The following PPFIBP1 variants were observed in gnomAD, a reference collection of about 807,000 sequenced individuals.
PPFIBP1 encodes the protein liprin-beta-1.
PPFIBP1 carries 112 observed loss-of-function variants against 137.8 expected under a neutral mutation model. That is an observed-to-expected ratio of 0.81 (90% CI 0.70 to 0.95). The LOEUF (loss-of-function observed/expected upper bound fraction) is 0.95, where lower values mean the gene tolerates loss of function less well. Ranked by LOEUF, PPFIBP1 falls within the 40% of genes least tolerant of loss-of-function variation. The pLI, the probability that PPFIBP1 is intolerant of heterozygous loss-of-function variation, is 0.00. For missense variants in PPFIBP1, 1,083 were observed against 1,196.6 expected (o/e 0.91, Z 1.40); for synonymous variants, 378 against 417.3 (o/e 0.91, Z 1.15).
intron 2 of PPFIBP1, among the ~76,000 whole-genome samples, chr12:27,588,112 A>G (rs186865851): frequency 3.3e-5 from 5 of 152,222 alleles, no homozygotes; most frequent in Admixed American, 6.5e-5. Flanking sequence ...ATTAGATTCA[A>G]ATTAAACATT....
At chr12:27,641,214 T>C (rs537281513) in intron 4 of PPFIBP1, among the ~76,000 whole-genome samples, 79 of 152,338 alleles carry the variant, frequency 5.2e-4, no homozygotes, top group Non-Finnish European at 9.6e-4. Context: ...ACCATTCTGA[T>C]TTAGGAATCT....
intron 1 of PPFIBP1, among the ~76,000 whole-genome samples, chr12:27,557,198 G>A (rs1027362193): frequency 6.6e-6 from 1 of 150,492 alleles, no homozygotes; most frequent in African/African-American, 2.4e-5. Context: ...GGCCTTTTTT[G>A]TATCAAGCTA....
At chr12:27,661,152 C>T (rs6487629) in intron 11 of PPFIBP1, among the ~76,000 whole-genome samples, 151,591 of 152,284 alleles carry the variant, frequency 1, 75,457 homozygotes, top group East Asian at 1. Flanking sequence ...CCTGCCCCCA[C>T]GAATTCAGAA....
In PPFIBP1 at chr12:27,633,351, T is replaced by C; in HGVS notation, c.-35-11T>C. On this transcript the variant is annotated splice_polypyrimidine_tract_variant and intron_variant, in intron 2 of 29. Coordinates refer to ENST00000228425, the MANE Select transcript of PPFIBP1 (RefSeq NM_003622.4). Reference sequence around the variant, plus strand: ...TTTAATGGATGTAATGATAACCTTATTTTTTTTCAGATCTGGGTTGGAATT... The same window carrying C: ...TTTAATGGATGTAATGATAACCTTACTTTTTTTCAGATCTGGGTTGGAATT... The C allele has an allele frequency of 6.4e-7, 1 of 1,556,276 alleles. No homozygotes were observed. Among genetic ancestry groups the C allele is most frequent in the South Asian group, 1.1e-5 (1 of 88,746 alleles).
intron 2 of PPFIBP1, among the ~76,000 whole-genome samples, chr12:27,616,611 C>T (rs972647842): frequency 2.0e-5 from 3 of 151,866 alleles, no homozygotes; most frequent in Non-Finnish European, 2.9e-5. Context: ...TTTAGCAGAA[C>T]GAAACAGAGG....
chr12:27,688,276 T>G, intron 25 of PPFIBP1, 22 bp from the exon 26 acceptor site: 1 of 1,611,096 alleles, frequency 6.2e-7, no homozygotes, highest in East Asian at 2.2e-5. Flanking sequence ...ATATTTAGGA[T>G]CCTGGTTGTG....
At chr12:27,543,732 C>G (rs1189680818) in intron 1 of PPFIBP1, among the ~76,000 whole-genome samples, 1 of 152,120 alleles carries the variant, frequency 6.6e-6, no homozygotes, top group Non-Finnish European at 1.5e-5. Context: ...ATTGAGCATA[C>G]CGTTGGCTAA....
intron 2 of PPFIBP1, among the ~76,000 whole-genome samples, chr12:27,581,182 A>G (rs1014048792): frequency 3.3e-5 from 5 of 152,196 alleles, no homozygotes; most frequent in African/African-American, 4.8e-5. Context: ...AGCGTGAGCC[A>G]CTGCTCCCAG....
chr12:27,564,479 G>A (rs1046459416), intron 1 of PPFIBP1, among the ~76,000 whole-genome samples: 2 of 152,128 alleles, frequency 1.3e-5, no homozygotes, highest in African/African-American at 2.4e-5. Flanking sequence ...CATTGTTGTT[G>A]TTTAAAGAAA....
rs774398411 is a variant in PPFIBP1, at chr12:27,681,561, A to T, written c.1911A>T (p.Pro637=). The change falls in exon 22 of 30, where the codon CCA becomes CCT. Residue 637 remains proline (P), a synonymous_variant. Transcript: ENST00000228425. ...TTTCCTGTAGTGACTTGGATATGCC[A>T]TTTGCCAAGTGGACCAAGGAGCAGG... ...LGQSNSDLDM[P]FAKWTKEQVC... is the part of the protein sequence containing the mutation. 2 of 1,614,022 alleles carry T rather than the reference A, an allele frequency of 1.2e-6. No individual in the cohort carries two copies. Among genetic ancestry groups the T allele is most frequent in the Non-Finnish European group, 1.7e-6 (2 of 1,179,992 alleles).
At chr12:27,629,230 G>A (rs1172375486) in intron 2 of PPFIBP1, among the ~76,000 whole-genome samples, 2 of 152,182 alleles carry the variant, frequency 1.3e-5, no homozygotes, top group Non-Finnish European at 2.9e-5. Flanking sequence ...AGCCAACAAT[G>A]AGTGGTTCCT....
In PPFIBP1 at chr12:27,692,881, G is replaced by T; in HGVS notation, c.3017G>T (p.Ter1006LeuextTer2). 1 of 1,614,054 alleles carries T rather than the reference G, an allele frequency of 6.2e-7. No homozygotes were observed. The highest frequency in any genetic ancestry group is 1.1e-5 in the South Asian group (1 of 91,048). Residue 1006 changes from the stop codon to leucine (L), a stop_lost, in exon 30 of 30, where the codon TGA (stop) becomes TTA (leucine). Coordinates refer to ENST00000228425, the MANE Select transcript of PPFIBP1 (RefSeq NM_003622.4). The part of the protein sequence containing the change: ...ASITDEDSNV[*>L] The stretch of plus-strand genomic sequence containing the variant: ...ATTACAGATGAAGACTCAAACGTTT[G>T]ACCGTAGCACCTGGATGAACATTAG...
intron 1 of PPFIBP1, among the ~76,000 whole-genome samples, chr12:27,565,593 A>C (rs563902113): frequency 2.6e-5 from 4 of 152,304 alleles, no homozygotes; most frequent in African/African-American, 9.6e-5. Context: ...CTGCATAAAA[A>C]CATTCAGGAT....
chr12:27,679,526 G>A lies in PPFIBP1; in HGVS notation c.1653G>A (p.Leu551=). ...AAGAGACAGCAGAGCACCTAGATCT[G>A]GCTGGTGCTTCTTCTCGGCCAAAAG... ...TEKETAEHLD[L]AGASSRPKDS... Residue 551 remains leucine (L), a synonymous_variant, in exon 20 of 30, where the codon CTG becomes CTA. Coordinates refer to ENST00000228425, the MANE Select transcript of PPFIBP1 (RefSeq NM_003622.4). The A allele has an allele frequency of 6.2e-7, 1 of 1,614,002 alleles. No individual in the cohort carries two copies.
chr12:27,529,372 G>C (rs753562630), intron 1 of PPFIBP1, among the ~76,000 whole-genome samples: 2 of 152,182 alleles, frequency 1.3e-5, no homozygotes, highest in African/African-American at 4.8e-5. Flanking sequence ...AGGTACTAAG[G>C]CTTTTTTCAG....
chr12:27,544,051 T>C (rs371244951), intron 1 of PPFIBP1, among the ~76,000 whole-genome samples: 87 of 151,026 alleles, frequency 5.8e-4, no homozygotes, highest in South Asian at 1.3e-3. Context: ...AACTAATTTT[T>C]TGATTTTTTA....
At chr12:27,544,939 G>A (rs540643111) in intron 1 of PPFIBP1, among the ~76,000 whole-genome samples, 129 of 152,308 alleles carry the variant, frequency 8.5e-4, no homozygotes, top group African/African-American at 2.9e-3. Context: ...GCACACGTGT[G>A]TTTATTGCAG....
At chr12:27,576,262 T>C (rs1191668526) in intron 1 of PPFIBP1, among the ~76,000 whole-genome samples, 1 of 152,198 alleles carries the variant, frequency 6.6e-6, no homozygotes, top group African/African-American at 2.4e-5. Context: ...TCCTTTCTTA[T>C]TCCTAGCCAA....
chr12:27,659,311 T>C (rs1162042473), intron 10 of PPFIBP1, among the ~76,000 whole-genome samples: 2 of 152,210 alleles, frequency 1.3e-5, no homozygotes, highest in Non-Finnish European at 2.9e-5. Context: ...ACAACAGAGA[T>C]TGAATCCAGC....
Sources: allele counts gnomAD v4.1 joint callset (sites outside exome capture counted in the v4.1 genomes callset), GRCh38; gene constraint gnomAD v4.1.1; transcripts MANE v1.5; gene names NCBI Gene and HGNC (gene_info 2026-07-23, HGNC 2026-07-21).